The following MCOLN3 variants were observed in gnomAD, a reference collection of about 807,000 sequenced individuals.
The protein encoded by MCOLN3 is mucolipin TRP cation channel 3.
Under a neutral mutation model 69.4 loss-of-function variants are expected in MCOLN3, and 62 were observed. The observed-to-expected ratio is 0.89, with a 90% CI of 0.73 to 1.10. The LOEUF (loss-of-function observed/expected upper bound fraction) is 1.10. MCOLN3 is among the 50% of genes least tolerant of loss of function. The pLI, the probability that MCOLN3 is intolerant of heterozygous loss-of-function variation, is 0.00. For missense variants in MCOLN3, 564 were observed against 656.4 expected, an observed-to-expected ratio of 0.86 and a Z score of 1.54; for synonymous variants, 183 against 217.0, an observed-to-expected ratio of 0.84 and a Z score of 1.38.
Position 85,045,313 on chromosome 1 carries a change from C to T in MCOLN3, c.48G>A (p.Glu16=). 1 of 1,614,042 alleles carries T rather than the reference C, an allele frequency of 6.2e-7. No homozygotes were observed. The highest frequency in any genetic ancestry group is 8.5e-7 in the Non-Finnish European group (1 of 1,179,994). The change falls in exon 2 of 13, where the codon GAG becomes GAA. Residue 16 remains glutamate, a synonymous_variant. Transcript: ENST00000370589. ...GCTGGTTAAAATTGCAGCGATTTTC[C>T]TCTTCATGAGAGCTGCAGCTACTCA... The part of the protein sequence containing the change: ...VVVSSCSSHE[E]ENRCNFNQQT...
chr1:85,031,393 A>C (rs1652514184), intron 6 of MCOLN3, among the ~76,000 whole-genome samples: 1 of 152,156 alleles, frequency 6.6e-6, no homozygotes, highest in African/African-American at 2.4e-5. Context: ...TAGATTTAGA[A>C]TATTCTCAAC....
chr1:85,040,999 A>G lies in MCOLN3; in HGVS notation c.396+11T>C, dbSNP rs1373322114. The stretch of plus-strand genomic sequence containing the variant: ...TTTTTCCCAAGTAAATAATGCACAC[A>G]CTTGATTTACCTGGTTTACTGCGAA... On this transcript the variant is annotated intron_variant, in intron 3 of 12. Transcript: ENST00000370589. 7 of 1,612,300 alleles carry G rather than the reference A, an allele frequency of 4.3e-6. No homozygotes were observed. The highest frequency in any genetic ancestry group is 1.7e-4 in the Middle Eastern group (1 of 5,740).
Position 85,026,182 on chromosome 1 carries a change from T to C in MCOLN3, c.935A>G (p.Gln312Arg), listed in dbSNP as rs1557683596. The C allele has an allele frequency of 1.2e-6, 2 of 1,614,018 alleles. No individual in the cohort carries two copies. The highest frequency in any genetic ancestry group is 4.5e-5 in the East Asian group (2 of 44,870). ...LCIRSVIRGL[Q>R]LQQEFVNFFL... is the part of the protein sequence containing the mutation. Reference sequence around the variant, plus strand: ...AGCAACGTTCCCTACCTGCTGAAGCTGAAGTCCTCTAATCACAGATCTAAT... The same window carrying C: ...AGCAACGTTCCCTACCTGCTGAAGCCGAAGTCCTCTAATCACAGATCTAAT... Residue 312 changes from glutamine (Q) to arginine (R), a missense_variant, in exon 8 of 13, where the codon CAG becomes CGG. Gln to Arg is a conservative substitution (Grantham distance 43). Transcript: ENST00000370589.
At chr1:85,019,372 G>C (rs568256668) in intron 12 of MCOLN3, 115 bp from the exon 13 acceptor site, 1 of 994,034 alleles carries the variant, frequency 1.0e-6, no homozygotes, top group Non-Finnish European at 1.5e-6. Flanking sequence ...AGATAGTATC[G>C]TTACTCCTGA....
chr1:85,026,078 T>C lies in MCOLN3; in HGVS notation c.956A>G (p.Asn319Ser), dbSNP rs1263090886. The C allele has an allele frequency of 1.9e-6, 3 of 1,602,114 alleles. No individual in the cohort carries two copies. The highest frequency in any genetic ancestry group is 2.6e-6 in the Non-Finnish European group (3 of 1,174,380). ...CTTCTTATAATGGAGGAGGAAAAAA[T>C]TGACAAACTCCTTTAGGGAAAAGAG... Reference protein sequence around the residue: ...RGLQLQQEFVNFFLLHYKKEV... With the variant: ...RGLQLQQEFVSFFLLHYKKEV... Residue 319 changes from asparagine (N) to serine (S), a missense_variant, in exon 9 of 13, where the codon AAT (asparagine) becomes AGT (serine). Physicochemically the swap from Asn to Ser is conservative, Grantham distance 46. Transcript: ENST00000370589.
At chr1:85,045,442 T>G (rs1336913760) in intron 1 of MCOLN3, 80 bp from the exon 2 acceptor site, 1 of 1,144,514 alleles carries the variant, frequency 8.7e-7, no homozygotes, top group Non-Finnish European at 1.2e-6. Flanking sequence ...TCTTTAATAT[T>G]GCAAGGAGAA....
In MCOLN3 at chr1:85,034,251, A is replaced by G. The variant is rs772448295; in HGVS notation, c.397T>C (p.Tyr133His). The change falls in exon 4 of 13, where the codon TAC becomes CAC. Residue 133 changes from tyrosine (Y) to histidine (H), a missense_variant and splice_region_variant. Transcript: ENST00000370589. Reference protein sequence around the residue: ...YDQLIFAVNQYLQLYNVSVGN... With the variant: ...YDQLIFAVNQHLQLYNVSVGN... ...ACGGAGACATTGTATAGCTGCAAGT[A>G]CTTCAACCAAAATGAGAAACAGAAA... 6.2e-7 allele frequency: 1 copy of G among 1,614,002 alleles called. No individual in the cohort carries two copies. Among genetic ancestry groups the G allele is most frequent in the Admixed American group, 1.7e-5 (1 of 60,020 alleles).
At chr1:85,022,476 A>G (rs1651992827) in intron 9 of MCOLN3, 76 bp from the exon 10 acceptor site, 4 of 941,450 alleles carry the variant, frequency 4.2e-6, no homozygotes, top group Non-Finnish European at 6.6e-6. Flanking sequence ...GGTAAGTATG[A>G]GTAAGGCACT....
intron 7 of MCOLN3, among the ~76,000 whole-genome samples, chr1:85,026,659 A>G (rs1448771441): frequency 6.6e-6 from 1 of 151,546 alleles, no homozygotes; most frequent in African/African-American, 2.4e-5. Flanking sequence ...TGGGAGGCTG[A>G]GGCAGCAGAA....
chr1:85,021,003 C>A, intron 12 of MCOLN3, 67 bp downstream of exon 12: 2 of 1,216,240 alleles, frequency 1.6e-6, no homozygotes, highest in Non-Finnish European at 2.3e-6. Context: ...CCATTAGGTA[C>A]TGAATTTTAC....
chr1:85,036,329 G>C (rs1652801464), intron 3 of MCOLN3, among the ~76,000 whole-genome samples: 1 of 151,948 alleles, frequency 6.6e-6, no homozygotes, highest in Admixed American at 6.6e-5. Flanking sequence ...GTAGCTGGGA[G>C]TACAGGCTCA....
Position 85,030,930 on chromosome 1 carries a change from G to C in MCOLN3, c.733-1725C>G, listed in dbSNP as rs546693766. Among the ~76,000 whole-genome samples the C allele has an allele frequency of 2.0e-5, 3 of 152,250 alleles. No homozygotes were observed. In the East Asian group the frequency reaches 5.8e-4, roughly 29 times the overall value. On this transcript the variant is annotated intron_variant, in intron 6 of 12. Transcript: ENST00000370589. ...ATAATGGTTACCAGAGGCTAGAAAGGGTATTGGGGAGGCGTGGGGGATAAA... is the reference window on the plus strand; with the variant it reads ...ATAATGGTTACCAGAGGCTAGAAAGCGTATTGGGGAGGCGTGGGGGATAAA...
At chr1:85,041,627 T>C (rs181308779) in intron 2 of MCOLN3, among the ~76,000 whole-genome samples, 2 of 152,160 alleles carry the variant, frequency 1.3e-5, no homozygotes, top group Admixed American at 1.3e-4. Context: ...CCCAGCACTT[T>C]GGGAGGCCAA....
At chr1:85,022,877 C>T in intron 9 of MCOLN3, 1 of 153,812 alleles carries the variant, frequency 6.5e-6, no homozygotes, top group Non-Finnish European at 1.4e-5. Context: ...TAAGGTGGCA[C>T]TCACCAAGTT....
At chr1:85,022,664 G>A (rs988230581) in intron 9 of MCOLN3, 6 of 285,288 alleles carry the variant, frequency 2.1e-5, no homozygotes, top group African/African-American at 1.1e-4. Flanking sequence ...ATGGGTATGG[G>A]TTTGTCATTT....
At chr1:85,024,746 T>A (rs1268456246) in intron 9 of MCOLN3, 2 of 152,184 alleles carry the variant, frequency 1.3e-5, no homozygotes, top group Non-Finnish European at 2.9e-5. Flanking sequence ...TTGGTAAAAA[T>A]AAAGATTTGC....
intron 3 of MCOLN3, chr1:85,036,810 C>T (rs1036533232): frequency 1.3e-5 from 2 of 152,120 alleles, no homozygotes; most frequent in African/African-American, 4.8e-5. Context: ...CTGACCACTC[C>T]GAGACTACTG....
chr1:85,029,429 T>A, intron 6 of MCOLN3: 1 of 457,206 alleles, frequency 2.2e-6, no homozygotes, highest in Non-Finnish European at 3.9e-6. Context: ...TCTAAAACAT[T>A]ATATGTCTAG....
At chr1:85,046,055 CA>C (rs1258033938) in intron 1 of MCOLN3, among the ~76,000 whole-genome samples, 9 of 152,116 alleles carry the variant, frequency 5.9e-5, no homozygotes, top group Non-Finnish European at 2.9e-5. Context: ...AAACAGTAAA[CA>C]AAGCCTTTGC....
Sources: gnomAD v4.1 joint callset for allele counts (sites outside exome capture counted in the v4.1 genomes callset) on GRCh38, gnomAD v4.1.1 for gene constraint, MANE v1.5 for transcripts, NCBI Gene and HGNC (gene_info 2026-07-23, HGNC 2026-07-21) for gene names.